CTNNA2: variants seen among roughly 807,000 people sequenced by gnomAD.
CTNNA2 encodes the protein catenin alpha 2.
Under a neutral mutation model 101.0 loss-of-function variants are expected in CTNNA2, and 42 were observed. The ratio of observed to expected loss-of-function variants is 0.42; its 90% confidence interval spans 0.32 to 0.54. CTNNA2 has a LOEUF of 0.54. Among genes scored for constraint, CTNNA2 ranks in the 20% least tolerant of loss-of-function variants. CTNNA2 has a pLI of 0.14. For missense variants in CTNNA2, 871 were observed against 1,223.1 expected, an observed-to-expected ratio of 0.71 and a Z score of 4.29; for synonymous variants, 450 against 456.4, an observed-to-expected ratio of 0.99 and a Z score of 0.18.
chr2:79,390,807 G>C (rs748758488), intron 4 of CTNNA2, among the ~76,000 whole-genome samples: 1 of 152,074 alleles, frequency 6.6e-6, no homozygotes, highest in Non-Finnish European at 1.5e-5. Context: ...CACCTGTGTC[G>C]TGTCTCAAGG....
intron 18 of CTNNA2, among the ~76,000 whole-genome samples, chr2:80,638,024 A>G (rs1255390954): frequency 6.6e-6 from 1 of 152,152 alleles, no homozygotes; most frequent in Non-Finnish European, 1.5e-5. Context: ...TTATGAAAAC[A>G]TATTTCTCAT....
intron 9 of CTNNA2, among the ~76,000 whole-genome samples, chr2:80,470,528 C>T (rs889070615): frequency 7.9e-5 from 12 of 152,124 alleles, no homozygotes; most frequent in Admixed American, 3.3e-4. Context: ...CTACACCCAG[C>T]TCTCCTCCTG....
intron 11 of CTNNA2, among the ~76,000 whole-genome samples, chr2:80,546,266 G>A (rs143740761): frequency 9.9e-5 from 15 of 152,272 alleles, no homozygotes; most frequent in African/African-American, 3.4e-4. Context: ...CGGAGTCAAG[G>A]CATTAAAAAG....
chr2:80,263,257 T>C (rs1366812499), intron 7 of CTNNA2, among the ~76,000 whole-genome samples: 1 of 152,212 alleles, frequency 6.6e-6, no homozygotes, highest in Non-Finnish European at 1.5e-5. Context: ...GAATATTAGA[T>C]TTTGTTAAAA....
At chr2:80,342,457 A>C (rs145324882) in intron 7 of CTNNA2, among the ~76,000 whole-genome samples, 2 of 152,352 alleles carry the variant, frequency 1.3e-5, no homozygotes, top group African/African-American at 4.8e-5. Context: ...GCTAATTGAC[A>C]GTGTCGTCAG....
At chr2:79,854,790 TA>T (rs1681001105) in intron 3 of CTNNA2, among the ~76,000 whole-genome samples, 1 of 152,216 alleles carries the variant, frequency 6.6e-6, no homozygotes, top group Non-Finnish European at 1.5e-5. Context: ...AGAATGTATA[TA>T]AAAGAAGCAG....
chr2:80,509,058 T>C (rs927418783), intron 9 of CTNNA2, among the ~76,000 whole-genome samples: 5 of 152,184 alleles, frequency 3.3e-5, no homozygotes, highest in African/African-American at 1.2e-4. Flanking sequence ...AAACAGAAGG[T>C]TTAGGTGCCA....
At chr2:80,138,354 CTAGTTACATAG>C (rs1702812661) in intron 7 of CTNNA2, among the ~76,000 whole-genome samples, 1 of 152,132 alleles carries the variant, frequency 6.6e-6, no homozygotes, top group African/African-American at 2.4e-5. Context: ...TGATCTTAGG[CTAGTTACATAG>C]CCTATCTATG....
chr2:80,538,808 C>T (rs1489013865), intron 9 of CTNNA2, among the ~76,000 whole-genome samples: 1 of 152,102 alleles, frequency 6.6e-6, no homozygotes, highest in Non-Finnish European at 1.5e-5. Context: ...CTATAAGTTA[C>T]TTTGGGCAGT....
At chr2:79,816,396 A>G (rs1450708329) in intron 3 of CTNNA2, among the ~76,000 whole-genome samples, 1 of 152,140 alleles carries the variant, frequency 6.6e-6, no homozygotes. Context: ...TGGGTTTGTC[A>G]TAGAAAACCC....
chr2:80,560,318 AG>A (rs1315660979), intron 12 of CTNNA2, among the ~76,000 whole-genome samples: 1 of 152,284 alleles, frequency 6.6e-6, no homozygotes, highest in African/African-American at 2.4e-5. Context: ...TCTTATTGAG[AG>A]GGTACATTTG....
chr2:79,903,607 G>A (rs77114471), intron 6 of CTNNA2, among the ~76,000 whole-genome samples: 5,819 of 152,192 alleles, frequency 0.038, 163 homozygotes, highest in Non-Finnish European at 0.055. Flanking sequence ...TATGTATAAG[G>A]AGGAATTGCC....
intron 18 of CTNNA2, among the ~76,000 whole-genome samples, chr2:80,624,938 GC>G (rs2149814985): frequency 6.6e-6 from 1 of 151,910 alleles, no homozygotes; most frequent in South Asian, 2.1e-4. Context: ...CTCTGTCATT[GC>G]CCTTGTTACA....
chr2:79,403,491 A>G (rs1182887257), intron 4 of CTNNA2, among the ~76,000 whole-genome samples: 8 of 152,098 alleles, frequency 5.3e-5, no homozygotes, highest in South Asian at 2.1e-4. Context: ...GGACCATGTT[A>G]AACAGTTTGA....
intron 7 of CTNNA2, among the ~76,000 whole-genome samples, chr2:80,226,510 G>A (rs1208704828): frequency 6.6e-6 from 1 of 152,200 alleles, no homozygotes; most frequent in African/African-American, 2.4e-5. Context: ...CTATGGTGGT[G>A]TACATCTCTC....
intron 3 of CTNNA2, among the ~76,000 whole-genome samples, chr2:79,359,789 T>G (rs184861188): frequency 0.018 from 2,306 of 125,932 alleles, 17 homozygotes; most frequent in Non-Finnish European, 0.029. Context: ...AGTCTGAAGG[T>G]TTTTTTTTTC....
intron 1 of CTNNA2, among the ~76,000 whole-genome samples, chr2:79,575,191 G>A (rs1272095960): frequency 6.6e-6 from 1 of 152,090 alleles, no homozygotes; most frequent in East Asian, 1.9e-4. Flanking sequence ...GGTTCTCGAA[G>A]TTTATCCATT....
intron 7 of CTNNA2, among the ~76,000 whole-genome samples, chr2:80,350,799 C>T (rs568345921): frequency 2.5e-4 from 38 of 152,148 alleles, no homozygotes; most frequent in African/African-American, 9.2e-4. Context: ...TTTCATGAAT[C>T]GAGGAATTTG....
intron 3 of CTNNA2, among the ~76,000 whole-genome samples, chr2:79,847,424 T>A (rs1680314444): frequency 1.3e-5 from 2 of 151,428 alleles, no homozygotes; most frequent in African/African-American, 4.9e-5. Context: ...GTGCCTATAA[T>A]CCCAGCTACT....
Sources: allele counts gnomAD v4.1 joint callset (sites outside exome capture counted in the v4.1 genomes callset), GRCh38; gene constraint gnomAD v4.1.1; transcripts MANE v1.5; gene names NCBI Gene and HGNC (gene_info 2026-07-23, HGNC 2026-07-21).